The following NOMO1 variants were observed in gnomAD, a reference collection of about 807,000 sequenced individuals.
NOMO1 encodes nodal modulator 3.
Under a neutral mutation model 133.8 loss-of-function variants are expected in NOMO1, and 40 were observed. The ratio of observed to expected loss-of-function variants is 0.30; its 90% confidence interval spans 0.23 to 0.39. The LOEUF (loss-of-function observed/expected upper bound fraction) is 0.39, where lower values mean the gene tolerates loss of function less well. Ranked by LOEUF, NOMO1 falls within the 10% of genes least tolerant of loss-of-function variation. NOMO1 has a pLI of 1.00. For synonymous variants in NOMO1, 236 were observed against 570.5 expected (o/e 0.41, Z 8.36); for missense variants, 462 against 1,419.9 (o/e 0.33, Z 10.84).
At chr16:14,860,628 T>G (rs1243284327) in intron 11 of NOMO1, among the ~76,000 whole-genome samples, 1 of 151,908 alleles carries the variant, frequency 6.6e-6, no homozygotes, top group East Asian at 1.9e-4. Context: ...CACAGGCCTG[T>G]GCTGTTGAGG....
intron 24 of NOMO1, among the ~76,000 whole-genome samples, chr16:14,880,523 C>T (rs1328654055): frequency 6.6e-6 from 1 of 151,502 alleles, no homozygotes; most frequent in Non-Finnish European, 1.5e-5. Flanking sequence ...TCCCAAGTAG[C>T]TGGGACTGCC....
rs201180625 is a variant in NOMO1, at chr16:14,895,091, G to T, written c.3537+1G>T. 2 of 1,605,902 alleles carry T rather than the reference G, an allele frequency of 1.2e-6. No homozygotes were observed. The highest frequency in any genetic ancestry group is 1.1e-5 in the South Asian group (1 of 90,308). ...GCTGGCCGGTTACAACCATGACAAG[G>T]TAGGAAATCCAGAGGCCTCAGGAGA... On this transcript the variant is annotated splice_donor_variant, in intron 30 of 30. Transcript: ENST00000287667. LOFTEE classifies it high-confidence loss of function.
At chr16:14,892,512 A>G (rs1488933677) in intron 29 of NOMO1, among the ~76,000 whole-genome samples, 2 of 151,460 alleles carry the variant, frequency 1.3e-5, no homozygotes, top group Admixed American at 1.3e-4. Flanking sequence ...CTGAGAATGT[A>G]AGAAACTGTG....
rs1964207245 is a variant in NOMO1, at chr16:14,879,205, G to A, written c.2757+371G>A. On this transcript the variant is annotated intron_variant, in intron 23 of 30. Transcript: ENST00000287667. ...TTTCTTCTGAAAAGACATTCCACTTGGTGGGAAGAGAGCAGCAGTTTTTCT... is the reference window on the plus strand; with the variant it reads ...TTTCTTCTGAAAAGACATTCCACTTAGTGGGAAGAGAGCAGCAGTTTTTCT... 5.3e-5 allele frequency among the ~76,000 whole-genome samples: 8 copies of A among 151,798 alleles called. No individual in the cohort carries two copies. The South Asian group carries it at 1.5e-3, about 28-fold the overall frequency.
chr16:14,866,962 C>G (rs547689447), intron 15 of NOMO1, among the ~76,000 whole-genome samples: 1 of 148,808 alleles, frequency 6.7e-6, no homozygotes, highest in East Asian at 2.0e-4. Context: ...GCAGAGCACA[C>G]TGGCTTTATA....
chr16:14,869,661 G>C (rs1215828745), intron 16 of NOMO1, among the ~76,000 whole-genome samples: 1 of 149,482 alleles, frequency 6.7e-6, no homozygotes, highest in Non-Finnish European at 1.5e-5. Context: ...GTGGATATTT[G>C]AGTGGTTTCC....
chr16:14,892,242 CA>C (rs995882423), intron 29 of NOMO1, among the ~76,000 whole-genome samples: 202 of 139,972 alleles, frequency 1.4e-3, no homozygotes, highest in Admixed American at 1.5e-3. Flanking sequence ...AAGACTGTTT[CA>C]AAAAAAAAAA....
Position 14,887,791 on chromosome 16 carries a change from T to C in NOMO1, c.3324+929T>C, listed in dbSNP as rs1042614836. ...TTAAAAATTCCTCTATTTAACATTC[T>C]GCTATTGAGTTTAAGGAAATACAGT... On this transcript the variant is annotated intron_variant, in intron 28 of 30. Coordinates refer to ENST00000287667, the MANE Select transcript of NOMO1 (RefSeq NM_014287.4). 9.2e-5 allele frequency among the ~76,000 whole-genome samples: 14 copies of C among 152,052 alleles called. 1 individual carries two copies. Among genetic ancestry groups the C allele is most frequent in the African/African-American group, 3.4e-4 (14 of 41,344 alleles).
rs1402351236 is a variant in NOMO1 at position 14,866,670 on chromosome 16, C to T, written c.1785C>T (p.Ser595=). 13 of 1,610,072 alleles carry T rather than the reference C, an allele frequency of 8.1e-6. No individual in the cohort carries two copies. The highest frequency in any genetic ancestry group is 1.1e-5 in the Non-Finnish European group (13 of 1,179,706). Residue 595 remains serine, a synonymous_variant, in exon 15 of 31, where the codon TCC becomes TCT. Transcript: ENST00000287667. The part of the protein sequence containing the change: ...FRQTGYMLRC[S]LSHAITLEFY... ...AGACGGGCTACATGCTGAGATGTTC[C>T]CTGTCTCACGCCATCACTCTGGTAT...
chr16:14,859,907 T>G (rs1251493966), intron 11 of NOMO1, among the ~76,000 whole-genome samples: 2 of 151,990 alleles, frequency 1.3e-5, no homozygotes, highest in African/African-American at 4.8e-5. Flanking sequence ...AAGAAAGATC[T>G]TCCCTAGTAG....
intron 1 of NOMO1, among the ~76,000 whole-genome samples, chr16:14,837,484 T>A (rs1391261556): frequency 6.6e-6 from 1 of 152,030 alleles, no homozygotes; most frequent in Admixed American, 6.5e-5. Context: ...TTGGGCATCT[T>A]ACTGGGTTAA....
At chr16:14,889,444 A>G (rs1301029649) in intron 29 of NOMO1, among the ~76,000 whole-genome samples, 1 of 151,992 alleles carries the variant, frequency 6.6e-6, no homozygotes, top group African/African-American at 2.4e-5. Context: ...AGGTGGGAGG[A>G]TCACTTGAGC....
chr16:14,892,109 T>TGG (rs773649910), intron 29 of NOMO1, among the ~76,000 whole-genome samples: 54 of 151,594 alleles, frequency 3.6e-4, no homozygotes, highest in Non-Finnish European at 5.2e-4. Flanking sequence ...TAGCCAGGCG[T>TGG]GGTAGCACGC....
chr16:14,845,020 AT>A (rs1372750901), intron 4 of NOMO1, among the ~76,000 whole-genome samples: 2 of 151,532 alleles, frequency 1.3e-5, no homozygotes, highest in African/African-American at 4.9e-5. Flanking sequence ...TGGTGTTTTT[AT>A]TTTTTTATTT....
intron 9 of NOMO1, among the ~76,000 whole-genome samples, chr16:14,856,545 G>T (rs1963839196): frequency 1.3e-5 from 2 of 151,808 alleles, no homozygotes; most frequent in Non-Finnish European, 2.9e-5. Flanking sequence ...CCGAGTAGCT[G>T]GGATTACAGG....
At chr16:14,868,674 A>C (rs1472682465) in intron 16 of NOMO1, 39 bp downstream of exon 16, 8 of 1,361,164 alleles carry the variant, frequency 5.9e-6, no homozygotes, top group Non-Finnish European at 7.3e-6. Context: ...AATTAGAAAA[A>C]TGGAAAGGCA....
At chr16:14,877,783 A>G (rs1202942023) in intron 22 of NOMO1, among the ~76,000 whole-genome samples, 1 of 146,806 alleles carries the variant, frequency 6.8e-6, no homozygotes. Context: ...GGTTTTCCCA[A>G]GCATAAATAA....
At chr16:14,885,865 G>A (rs1964315969) in intron 27 of NOMO1, among the ~76,000 whole-genome samples, 1 of 151,840 alleles carries the variant, frequency 6.6e-6, no homozygotes. Context: ...AAATATAGTC[G>A]GTGAATTCAG....
At chr16:14,889,317 A>C in intron 29 of NOMO1, 102 bp downstream of exon 29, 1 of 1,608,332 alleles carries the variant, frequency 6.2e-7, no homozygotes, top group South Asian at 1.1e-5. Flanking sequence ...GGATCTCTTG[A>C]GCCCAGGAGT....
Sources: gnomAD v4.1 joint callset for allele counts (sites outside exome capture counted in the v4.1 genomes callset) on GRCh38, gnomAD v4.1.1 for gene constraint, MANE v1.5 for transcripts, NCBI Gene and HGNC (gene_info 2026-07-23, HGNC 2026-07-21) for gene names.